The following ARHGEF28 variants were observed in gnomAD, a reference collection of about 807,000 sequenced individuals.
ARHGEF28 encodes 190 kDa guanine nucleotide exchange factor.
ARHGEF28 carries 152 observed loss-of-function variants against 206.6 expected under a neutral mutation model. The observed-to-expected ratio is 0.74, with a 90% CI of 0.64 to 0.84. ARHGEF28 has a LOEUF of 0.84. Ranked by LOEUF, ARHGEF28 falls within the 40% of genes least tolerant of loss-of-function variation. ARHGEF28 has a pLI of 0.00. For missense variants in ARHGEF28, 2,028 were observed against 2,073.2 expected (o/e 0.98, Z 0.42); for synonymous variants, 763 against 776.4 (o/e 0.98, Z 0.29).
At chr5:73,814,645 G>C (rs10071636) in intron 9 of ARHGEF28, among the ~76,000 whole-genome samples, 49,466 of 151,868 alleles carry the variant, frequency 0.33, 9,325 homozygotes, top group East Asian at 0.5. Flanking sequence ...TTCTAAGCGG[G>C]TTGCCTCTGC....
In ARHGEF28 at chr5:73,897,988, G is replaced by T; in HGVS notation, c.3868G>T (p.Ala1290Ser). Residue 1290 changes from alanine (A) to serine (S), a missense_variant, in exon 30 of 36, where the codon GCC (alanine) becomes TCC (serine). Physicochemically the swap from Ala to Ser is moderately conservative, Grantham distance 99 (BLOSUM62 1). Around this residue, in one of 3 missense-constraint regions of ARHGEF28, gnomAD observed 803 missense variants for 768.0 expected, o/e 1.05. Coordinates refer to ENST00000513042, the MANE Select transcript of ARHGEF28 (RefSeq NM_001177693.2). ...EAESLQVAVK[A>S]SQMGAVSQSC... is the part of the protein sequence containing the mutation. ...TGAGAGCCTACAAGTTGCAGTGAAG[G>T]CCTCACAGATGGGCGCCGTGAGTCA... is the stretch of plus-strand genomic sequence containing the variant. 1 of 1,590,562 alleles carries T rather than the reference G, an allele frequency of 6.3e-7. No individual in the cohort carries two copies. The highest frequency in any genetic ancestry group is 1.1e-5 in the South Asian group (1 of 87,306).
At chr5:73,637,365 A>G (rs1743789656) in intron 1 of ARHGEF28, among the ~76,000 whole-genome samples, 1 of 152,084 alleles carries the variant, frequency 6.6e-6, no homozygotes, top group African/African-American at 2.4e-5. Context: ...GTTTAGTCTC[A>G]CAATTTTTTT....
At chr5:73,719,693 T>C (rs1310127256) in intron 2 of ARHGEF28, among the ~76,000 whole-genome samples, 3 of 152,352 alleles carry the variant, frequency 2.0e-5, no homozygotes, top group East Asian at 1.9e-4. Flanking sequence ...TTTTCAAATG[T>C]GTTATAGTAG....
rs148749714 is a variant in ARHGEF28 at position 73,777,353 on chromosome 5, T to C, written c.840+657T>C. Among the ~76,000 whole-genome samples, 311 of 152,212 alleles carry C rather than the reference T, an allele frequency of 2.0e-3. 2 individuals carry two copies. Among genetic ancestry groups the C allele is most frequent in the African/African-American group, 7.3e-3 (305 of 41,518 alleles). On this transcript the variant is annotated intron_variant, in intron 6 of 35. Transcript: ENST00000513042. ...GAGTAAGGCTTGAATAAGGCTTGAG[T>C]CAATCTAGTTGGCAGTGCTCCGGGG... is the stretch of plus-strand genomic sequence containing the variant.
At chr5:73,644,071 T>A (rs1744287354) in intron 1 of ARHGEF28, among the ~76,000 whole-genome samples, 1 of 58,854 alleles carries the variant, frequency 1.7e-5, no homozygotes, top group Non-Finnish European at 3.3e-5. Context: ...GCACTAGGTG[T>A]GCCACTGCTA....
Position 73,775,596 on chromosome 5 carries a change from G to A in ARHGEF28, c.660-920G>A, listed in dbSNP as rs1208968152. Among the ~76,000 whole-genome samples the A allele has an allele frequency of 2.6e-5, 4 of 152,150 alleles. No homozygotes were observed. In the South Asian group the frequency reaches 8.3e-4, roughly 31 times the overall value. On this transcript the variant is annotated intron_variant, in intron 5 of 35. Coordinates refer to ENST00000513042, the MANE Select transcript of ARHGEF28 (RefSeq NM_001177693.2). The stretch of plus-strand genomic sequence containing the variant: ...TGGAAATATACTATATTTTTGTAAA[G>A]CAAACATTCATTAACAAAATTAGGT...
chr5:73,627,850 A>G (rs1181195574), intron 1 of ARHGEF28, among the ~76,000 whole-genome samples: 2 of 152,050 alleles, frequency 1.3e-5, no homozygotes, highest in Non-Finnish European at 2.9e-5. Context: ...GTAATGGGAG[A>G]ATGGAGAACA....
rs750200745 is a variant in ARHGEF28, at chr5:73,832,472, T to C, written c.1146+13T>C. 6.2e-7 allele frequency: 1 copy of C among 1,609,860 alleles called. No individual in the cohort carries two copies. Among genetic ancestry groups the C allele is most frequent in the Non-Finnish European group, 8.5e-7 (1 of 1,177,964 alleles). ...GGTGATTGATCAGGTAAGGCCCAAC[T>C]GACATTACAGGATGATTTCTACCTC... is the stretch of plus-strand genomic sequence containing the variant. On this transcript the variant is annotated intron_variant, in intron 10 of 35. Transcript: ENST00000513042.
intron 9 of ARHGEF28, among the ~76,000 whole-genome samples, chr5:73,816,949 C>CT (rs1756250506): frequency 8.2e-6 from 1 of 122,514 alleles, no homozygotes; most frequent in Non-Finnish European, 1.8e-5. Flanking sequence ...GCCTGATTTT[C>CT]TGTTTTTTTG....
intron 1 of ARHGEF28, among the ~76,000 whole-genome samples, chr5:73,676,037 T>C (rs1746655210): frequency 6.6e-6 from 1 of 150,890 alleles, no homozygotes; most frequent in East Asian, 1.9e-4. Flanking sequence ...CTCCGCACCA[T>C]ACAATCTACC....
intron 35 of ARHGEF28, among the ~76,000 whole-genome samples, chr5:73,934,076 T>C (rs560269046): frequency 4.6e-5 from 7 of 152,350 alleles, no homozygotes; most frequent in African/African-American, 1.4e-4. Flanking sequence ...GGTTGTGTTT[T>C]TTGTTTGTTT....
intron 17 of ARHGEF28, 133 bp downstream of exon 17, chr5:73,865,005 C>G: frequency 1.3e-6 from 1 of 747,802 alleles, no homozygotes; most frequent in Non-Finnish European, 2.2e-6. Flanking sequence ...ATAACATATG[C>G]TCAAAGTGTA....
intron 26 of ARHGEF28, among the ~76,000 whole-genome samples, chr5:73,888,509 G>A (rs1228588864): frequency 6.6e-6 from 1 of 152,178 alleles, no homozygotes; most frequent in Non-Finnish European, 1.5e-5. Flanking sequence ...TAACCTGTGG[G>A]ATGGTGAGGG....
Position 73,846,309 on chromosome 5 carries a change from G to A in ARHGEF28, c.1469G>A (p.Gly490Glu). 6.2e-7 allele frequency: 1 copy of A among 1,613,662 alleles called. No homozygotes were observed. The highest frequency in any genetic ancestry group is 8.5e-7 in the Non-Finnish European group (1 of 1,179,718). ...DALDADSEGE[G>E]HSEPSHICYT... is the part of the protein sequence containing the mutation. The stretch of plus-strand genomic sequence containing the variant: ...TTGGACGCCGACAGTGAAGGGGAAG[G>A]GCATTCTGAGCCATCCCACATCTGT... The change falls in exon 12 of 36, where the codon GGG becomes GAG. Residue 490 changes from glycine to glutamate, a missense_variant. Transcript: ENST00000513042.
chr5:73,863,080 T>G (rs1561465872), intron 16 of ARHGEF28: 1 of 152,172 alleles, frequency 6.6e-6, no homozygotes, highest in South Asian at 2.1e-4. Flanking sequence ...ATGTGAGCAT[T>G]TATTATTAAA....
At chr5:73,646,172 C>T (rs1744410014) in intron 1 of ARHGEF28, among the ~76,000 whole-genome samples, 2 of 152,156 alleles carry the variant, frequency 1.3e-5, no homozygotes, top group Admixed American at 1.3e-4. Context: ...CTTCTTTATT[C>T]CCTGGGATGA....
At chr5:73,692,305 A>G (rs1476305009) in intron 2 of ARHGEF28, among the ~76,000 whole-genome samples, 4 of 151,858 alleles carry the variant, frequency 2.6e-5, no homozygotes, top group Non-Finnish European at 4.4e-5. Context: ...GCTCCCTTCC[A>G]CCCTTCTGAG....
At chr5:73,708,096 CT>C (rs1749039848) in intron 2 of ARHGEF28, among the ~76,000 whole-genome samples, 1 of 151,950 alleles carries the variant, frequency 6.6e-6, no homozygotes, top group Non-Finnish European at 1.5e-5. Context: ...GACCTGTCCC[CT>C]GTTAGAATAT....
chr5:73,684,699 A>G (rs989092217), intron 1 of ARHGEF28, 142 bp from the exon 2 acceptor site: 1 of 541,794 alleles, frequency 1.8e-6, no homozygotes, highest in Non-Finnish European at 3.2e-6. Context: ...TTAGTCCTTT[A>G]TTCTTTCATA....
Sources: gnomAD v4.1 joint callset for allele counts (sites outside exome capture counted in the v4.1 genomes callset) on GRCh38, gnomAD v4.1.1 for gene constraint, gnomAD v4.1.1 regional missense constraint, MANE v1.5 for transcripts, NCBI Gene and HGNC (gene_info 2026-07-23, HGNC 2026-07-21) for gene names.